APBB1IP: variants seen among roughly 807,000 people sequenced by gnomAD.
APBB1IP encodes amyloid beta A4 precursor protein-binding family B member 1-interacting protein.
Under a neutral mutation model 64.9 loss-of-function variants are expected in APBB1IP, and 27 were observed. That is an observed-to-expected ratio of 0.42 (90% confidence interval 0.31 to 0.57). The LOEUF is 0.57. Ranked by LOEUF, APBB1IP falls within the 20% of genes least tolerant of loss-of-function variation. The probability of loss-of-function intolerance (pLI) is 0.20; values close to 1 mark genes in which losing one functional copy is unlikely to be tolerated. For synonymous variants in APBB1IP, 392 were observed against 331.0 expected, an observed-to-expected ratio of 1.18 and a Z score of -2.00; for missense variants, 812 against 845.5, an observed-to-expected ratio of 0.96 and a Z score of 0.49.
At chr10:26,455,844 T>G (rs1034305126) in intron 2 of APBB1IP, among the ~76,000 whole-genome samples, 2 of 152,180 alleles carry the variant, frequency 1.3e-5, no homozygotes, top group African/African-American at 4.8e-5. Context: ...CACAAAAATG[T>G]GCAGGCAAGT....
At chr10:26,516,889 G>C (rs1178212294) in intron 8 of APBB1IP, among the ~76,000 whole-genome samples, 1 of 152,068 alleles carries the variant, frequency 6.6e-6, no homozygotes, top group Non-Finnish European at 1.5e-5. Context: ...GAAGATATAT[G>C]GGGGGAGATA....
At position 26,567,422 on chromosome 10, in the gene APBB1IP, C is replaced by T. The variant is rs1215510297; in HGVS notation, c.1935C>T (p.Gly645=). The part of the protein sequence containing the change: ...ENPGHPGGAG[G]GEQDFMSDLM... ...CAGGGCACCCCGGCGGAGCAGGAGG[C>T]GGGGAGCAAGATTTCATGTCAGACC... is the stretch of plus-strand genomic sequence containing the variant. The change falls in exon 15 of 15, where the codon GGC becomes GGT. Residue 645 remains glycine (G), a synonymous_variant. Transcript: ENST00000376236. The T allele has an allele frequency of 1.9e-6, 3 of 1,606,240 alleles. No homozygotes were observed. The highest frequency in any genetic ancestry group is 2.2e-5 in the East Asian group (1 of 44,480).
chr10:26,542,434 G>T (rs1368759701), intron 11 of APBB1IP, among the ~76,000 whole-genome samples: 2 of 152,158 alleles, frequency 1.3e-5, no homozygotes, highest in Non-Finnish European at 2.9e-5. Flanking sequence ...GGGGTTGCAG[G>T]CATCAGCCAC....
chr10:26,496,196 A>T, intron 3 of APBB1IP, 108 bp from the exon 4 acceptor site: 1 of 793,542 alleles, frequency 1.3e-6, no homozygotes, highest in South Asian at 1.7e-5. Flanking sequence ...AGAACACACT[A>T]AGGGAGAAAA....
At position 26,517,633 on chromosome 10, in the gene APBB1IP, A is replaced by T. The variant is rs182139720; in HGVS notation, c.813+3973A>T. On this transcript the variant is annotated intron_variant, in intron 8 of 14. Transcript: ENST00000376236. ...TTTTGTTTTTGTTTTTTTGAGAGACAGGCTCTCACCATGTTGCCCGGGTTG... is the reference window on the plus strand; with the variant it reads ...TTTTGTTTTTGTTTTTTTGAGAGACTGGCTCTCACCATGTTGCCCGGGTTG... 9.3e-4 allele frequency among the ~76,000 whole-genome samples: 141 copies of T among 152,318 alleles called. 1 individual carries two copies. The highest frequency in any genetic ancestry group is 3.3e-3 in the African/African-American group (138 of 41,582).
Position 26,496,383 on chromosome 10 carries a change from A to T in APBB1IP, c.152A>T (p.Asp51Val), listed in dbSNP as rs933310739. The part of the protein sequence containing the change: ...AEFNYSVGFK[D>V]LNESLNALED... ...TTTAACTACAGTGTGGGGTTTAAAG[A>T]TTTAAATGGTAAGCATAACAATTTC... Residue 51 changes from aspartate (D) to valine (V), a missense_variant, in exon 4 of 15, where the codon GAT becomes GTT. Asp to Val is a radical substitution (Grantham distance 152). Transcript: ENST00000376236. 4 of 1,608,346 alleles carry T rather than the reference A, an allele frequency of 2.5e-6. No individual in the cohort carries two copies. In the African/African-American group the frequency reaches 4.0e-5, roughly 16 times the overall value.
chr10:26,561,153 C>T lies in APBB1IP; in HGVS notation c.1369+309C>T, dbSNP rs926073434. ...GCGGGATCTCAGCTCACTGCAAGCT[C>T]CGCCTCCTGGGTTCACACCGTTCTC... On this transcript the variant is annotated intron_variant, in intron 13 of 14. Transcript: ENST00000376236. 8.8e-5 allele frequency among the ~76,000 whole-genome samples: 12 copies of T among 136,700 alleles called. 1 individual carries two copies. Among genetic ancestry groups the T allele is most frequent in the Middle Eastern group, 9.3e-3 (2 of 214 alleles). The allele number at this position is 136,700 out of a possible 152,430, so 89.7% of individuals were successfully genotyped here.
At chr10:26,542,304 G>A (rs866988427) in intron 11 of APBB1IP, among the ~76,000 whole-genome samples, 3 of 152,156 alleles carry the variant, frequency 2.0e-5, no homozygotes, top group African/African-American at 7.2e-5. Flanking sequence ...CTAGAGGTGT[G>A]CACCACCACA....
intron 2 of APBB1IP, among the ~76,000 whole-genome samples, chr10:26,478,614 CAAAAAA>C (rs35115510): frequency 4.8e-5 from 6 of 125,206 alleles, no homozygotes; most frequent in African/African-American, 1.3e-4. Context: ...GACTCCGTCT[CAAAAAA>C]AAAAAAAAAG....
chr10:26,444,832 C>T (rs922707645), intron 2 of APBB1IP, among the ~76,000 whole-genome samples: 4 of 152,156 alleles, frequency 2.6e-5, no homozygotes, highest in African/African-American at 7.2e-5. Context: ...TGCGTGGTGG[C>T]TCACGCCTGT....
rs543444124 is a variant in APBB1IP at position 26,558,601 on chromosome 10, C to A, written c.1156-1504C>A. Among the ~76,000 whole-genome samples, 10 of 140,536 alleles carry A rather than the reference C, an allele frequency of 7.1e-5. No homozygotes were observed. The South Asian group carries it at 2.3e-3, about 32-fold the overall frequency. The allele number at this position is 140,536 out of a possible 152,430, so 92.2% of individuals were successfully genotyped here. ...TTCAGCACCAGACTGGGAAACATAG[C>A]AAGAGTGTTTCTTTAAAAAAAAAAA... On this transcript the variant is annotated intron_variant, in intron 11 of 14. Transcript: ENST00000376236.
intron 2 of APBB1IP, among the ~76,000 whole-genome samples, chr10:26,462,620 A>C (rs2132407770): frequency 6.6e-6 from 1 of 152,336 alleles, no homozygotes; most frequent in African/African-American, 2.4e-5. Context: ...TATGGGATCA[A>C]TTTTTGAAAA....
chr10:26,546,739 A>G (rs549656042), intron 11 of APBB1IP, among the ~76,000 whole-genome samples: 14 of 152,300 alleles, frequency 9.2e-5, no homozygotes, highest in Non-Finnish European at 1.6e-4. Context: ...ATTTTCTTTT[A>G]GATTCCACAT....
chr10:26,511,956 T>C (rs1168174751), intron 7 of APBB1IP, 50 bp downstream of exon 7: 1 of 1,593,764 alleles, frequency 6.3e-7, no homozygotes, highest in African/African-American at 1.3e-5. Context: ...CTTGTGGGTT[T>C]GCTGTATAAT....
intron 13 of APBB1IP, 138 bp downstream of exon 13, chr10:26,560,982 C>T: frequency 2.0e-6 from 1 of 488,126 alleles, no homozygotes; most frequent in Non-Finnish European, 3.4e-6. Flanking sequence ...CAGGCTCAAA[C>T]TCCCCGACTC....
chr10:26,550,087 T>C (rs151017273), intron 11 of APBB1IP, among the ~76,000 whole-genome samples: 1 of 152,174 alleles, frequency 6.6e-6, no homozygotes, highest in African/African-American at 2.4e-5. Flanking sequence ...CCACTCTTTC[T>C]TGGCCTGCAA....
At chr10:26,516,636 G>A in intron 8 of APBB1IP, among the ~76,000 whole-genome samples, 1 of 151,394 alleles carries the variant, frequency 6.6e-6, no homozygotes, top group Non-Finnish European at 1.5e-5. Flanking sequence ...AAAGGAGCAG[G>A]TAGGGGAAGA....
intron 6 of APBB1IP, among the ~76,000 whole-genome samples, chr10:26,509,283 A>G (rs1588594160): frequency 1.4e-5 from 2 of 148,116 alleles, no homozygotes; most frequent in Non-Finnish European, 3.0e-5. Context: ...TGGGCTAGAG[A>G]TTTTCAAGGG....
intron 12 of APBB1IP, among the ~76,000 whole-genome samples, 196 bp from the exon 13 acceptor site, chr10:26,560,534 T>C (rs930590944): frequency 1.3e-5 from 2 of 152,222 alleles, no homozygotes; most frequent in African/African-American, 4.8e-5. Flanking sequence ...AAAAATTAAC[T>C]GACTCTGTTA....
Sources: gnomAD v4.1 joint callset for allele counts (sites outside exome capture counted in the v4.1 genomes callset) on GRCh38, gnomAD v4.1.1 for gene constraint, MANE v1.5 for transcripts, NCBI Gene and HGNC (gene_info 2026-07-23, HGNC 2026-07-21) for gene names.